Variants in TVP23A observed in about 807,000 individuals in gnomAD.
TVP23A encodes Golgi apparatus membrane protein TVP23 homolog A.
In TVP23A, 21 loss-of-function variants were observed where a neutral mutation model predicts 31.7. The ratio of observed to expected loss-of-function variants is 0.66; its 90% confidence interval spans 0.47 to 0.95. TVP23A has a LOEUF of 0.95. TVP23A is among the 40% of genes least tolerant of loss of function. The probability of loss-of-function intolerance (pLI) is 0.00; values close to 1 mark genes in which losing one functional copy is unlikely to be tolerated. For synonymous variants in TVP23A, 104 were observed against 96.0 expected (o/e 1.08, Z -0.49); for missense variants, 279 against 255.6 (o/e 1.09, Z -0.62).
chr16:10,762,713 G>C (rs2030153893), downstream of TVP23A, among the ~76,000 whole-genome samples: 1 of 152,108 alleles, frequency 6.6e-6, no homozygotes, highest in African/African-American at 2.4e-5. Context: ...CACTCCATTT[G>C]TCAGGGAACC....
At chr16:10,786,119 G>T (rs2032736959) in intron 2 of TVP23A, among the ~76,000 whole-genome samples, 1 of 152,210 alleles carries the variant, frequency 6.6e-6, no homozygotes, top group Admixed American at 6.5e-5. Context: ...AGTGAGCAGG[G>T]GAGTGACTTT....
At chr16:10,810,088 G>T (rs2034125164) in intron 2 of TVP23A, among the ~76,000 whole-genome samples, 1 of 152,042 alleles carries the variant, frequency 6.6e-6, no homozygotes, top group African/African-American at 2.4e-5. Flanking sequence ...ACCTAAACCG[G>T]GATGAACCTG....
In TVP23A at chr16:10,770,241, C is replaced by T. The variant is rs1169673742; in HGVS notation, c.*31G>A. On this transcript the variant is annotated intron_variant, in intron 7 of 7. Transcript: ENST00000299866. ...TGCATTTTTCAGAATTCCCCAGTTC[C>T]TCCACACGGGTGCCATGATCCATTT... 8.4e-6 allele frequency: 13 copies of T among 1,550,052 alleles called. No homozygotes were observed. The Admixed American group carries it at 1.4e-4, about 16-fold the overall frequency.
chr16:10,793,322 C>G (rs1439149796), intron 2 of TVP23A, among the ~76,000 whole-genome samples: 1 of 152,122 alleles, frequency 6.6e-6, no homozygotes, highest in Non-Finnish European at 1.5e-5. Flanking sequence ...ACTCTAGAGT[C>G]TGGGTATGCT....
rs1288477985 is a variant in TVP23A at position 10,775,367 on chromosome 16, CT to C, written c.90-272del. 8.1e-6 allele frequency: 10 copies of C among 1,239,314 alleles called. 1 individual carries two copies. The highest frequency in any genetic ancestry group is 1.0e-6 in the Non-Finnish European group (1 of 984,544). 76.8% of individuals were successfully genotyped at this position (1,239,314 alleles called of 1,614,324 possible). ...CTTGACTCCAAATATCACTTGCCCTCTTCGAAACACGGTCATCTTTGAAGTG... is the reference window on the plus strand; with the variant it reads ...CTTGACTCCAAATATCACTTGCCCTCTCGAAACACGGTCATCTTTGAAGTG... On this transcript the variant is annotated intron_variant, in intron 2 of 7. Transcript: ENST00000299866.
intron 2 of TVP23A, among the ~76,000 whole-genome samples, chr16:10,796,340 CAAAAA>C (rs944637013): frequency 9.3e-5 from 14 of 150,744 alleles, no homozygotes; most frequent in African/African-American, 3.2e-4. Context: ...GACCCTGTCT[CAAAAA>C]AAAGAACAAT....
At chr16:10,773,507 T>C in intron 4 of TVP23A, 66 bp from the exon 5 acceptor site, 2 of 1,496,574 alleles carry the variant, frequency 1.3e-6, no homozygotes, top group Non-Finnish European at 1.8e-6. Context: ...CGTGCTCACA[T>C]TTTCATTTAT....
intron 2 of TVP23A, among the ~76,000 whole-genome samples, chr16:10,783,532 C>A (rs550819097): frequency 6.6e-6 from 1 of 152,016 alleles, no homozygotes; most frequent in South Asian, 2.1e-4. Context: ...AAAATTTAGC[C>A]GGGCGTGGTG....
At chr16:10,774,166 G>A in intron 3 of TVP23A, 38 bp from the exon 4 acceptor site, 2 of 1,489,400 alleles carry the variant, frequency 1.3e-6, no homozygotes, top group Non-Finnish European at 1.9e-6. Context: ...GCAGGTCACA[G>A]GCAAAGAGGC....
chr16:10,813,651 AG>A (rs1322833907), intron 2 of TVP23A, among the ~76,000 whole-genome samples: 1 of 152,204 alleles, frequency 6.6e-6, no homozygotes, highest in Non-Finnish European at 1.5e-5. Flanking sequence ...TATGAAACTT[AG>A]ATAATAGTTT....
chr16:10,805,707 C>A (rs1338808784), intron 2 of TVP23A, among the ~76,000 whole-genome samples: 1 of 151,512 alleles, frequency 6.6e-6, no homozygotes, highest in African/African-American at 2.4e-5. Context: ...TTGTTTTGAT[C>A]ATTGCTTATA....
intron 2 of TVP23A, among the ~76,000 whole-genome samples, chr16:10,776,373 T>C (rs1171268652): frequency 2.0e-5 from 3 of 151,340 alleles, no homozygotes; most frequent in Non-Finnish European, 4.4e-5. Context: ...AGACTCCAAC[T>C]CAAAAAATAA....
In TVP23A at chr16:10,777,889, T is replaced by C. The variant is rs546831735; in HGVS notation, c.90-2793A>G. On this transcript the variant is annotated intron_variant, in intron 2 of 7. Transcript: ENST00000299866. The surrounding 1 kb of genome is among the most constrained non-coding windows in gnomAD (Gnocchi z 4.5). ...AGCTGAGCGTGGTGGTGGGCGCCTG[T>C]AGTCCCAGCTACTCGGGACGCTGAG... 3.0e-3 allele frequency among the ~76,000 whole-genome samples: 449 copies of C among 152,196 alleles called. 1 individual carries two copies. Among genetic ancestry groups the C allele is most frequent in the African/African-American group, 0.01 (427 of 41,530 alleles).
intron 4 of TVP23A, 141 bp from the exon 5 acceptor site, chr16:10,773,582 TG>T: frequency 2.6e-6 from 3 of 1,148,110 alleles, no homozygotes; most frequent in Non-Finnish European, 3.6e-6. Context: ...TGTTTTGTTT[TG>T]TTTTTGAGAC....
downstream of TVP23A, chr16:10,762,035 G>A (rs886503108): frequency 2.7e-5 from 15 of 561,914 alleles, no homozygotes; most frequent in African/African-American, 1.5e-4. Context: ...GAGAGAGGCC[G>A]AGACCCCTGC....
chr16:10,795,697 C>T (rs1283229079), intron 2 of TVP23A, among the ~76,000 whole-genome samples: 1 of 152,190 alleles, frequency 6.6e-6, no homozygotes, highest in East Asian at 1.9e-4. Flanking sequence ...GCAAGGACCA[C>T]ACATTCGATG....
intron 2 of TVP23A, among the ~76,000 whole-genome samples, chr16:10,813,402 C>T (rs1170632000): frequency 1.3e-5 from 2 of 152,156 alleles, no homozygotes; most frequent in Non-Finnish European, 2.9e-5. Flanking sequence ...AAGGGATTTA[C>T]AAATAACTGT....
intron 2 of TVP23A, among the ~76,000 whole-genome samples, chr16:10,794,233 C>G (rs1487027101): frequency 6.6e-6 from 1 of 152,228 alleles, no homozygotes; most frequent in Non-Finnish European, 1.5e-5. Context: ...TCTCAACATG[C>G]ATTTTACAGG....
chr16:10,818,040 G>T lies in TVP23A; in HGVS notation c.89+63C>A. 7.4e-7 allele frequency: 1 copy of T among 1,353,168 alleles called. No homozygotes were observed. The highest frequency in any genetic ancestry group is 1.0e-6 in the Non-Finnish European group (1 of 962,796). The allele number at this position is 1,353,168 out of a possible 1,614,324, so 83.8% of individuals were successfully genotyped here. ...TGCTCAATATATTTTGAATGAATGA[G>T]TGAGTAAATGAATGAATTTGCAGCT... On this transcript the variant is annotated intron_variant, in intron 2 of 7. Transcript: ENST00000299866. This position sits in a 1 kb window ranked among gnomAD's most constrained non-coding sequence, Gnocchi z 4.7.
Sources: allele counts gnomAD v4.1 joint callset (sites outside exome capture counted in the v4.1 genomes callset), GRCh38; gene constraint gnomAD v4.1.1; non-coding constraint Gnocchi (gnomAD v3.1); transcripts MANE v1.5; gene names NCBI Gene and HGNC (gene_info 2026-07-23, HGNC 2026-07-21).